IFIH1: variants seen among roughly 807,000 people sequenced by gnomAD.
IFIH1 encodes interferon induced with helicase C domain 1.
A neutral mutation model predicts 107.4 loss-of-function variants in IFIH1; 125 were observed. The observed-to-expected ratio is 1.16, with a 90% confidence interval of 1.01 to 1.35. The LOEUF is 1.35. Ranked by LOEUF, IFIH1 falls within the 40% of genes most tolerant of loss-of-function variation. IFIH1 has a pLI of 0.00. For missense variants in IFIH1, 1,333 were observed against 1,213.7 expected, an observed-to-expected ratio of 1.10 and a Z score of -1.46; for synonymous variants, 458 against 413.2, an observed-to-expected ratio of 1.11 and a Z score of -1.31.
chr2:162,293,133 C>A (rs1683026640), intron 4 of IFIH1, among the ~76,000 whole-genome samples: 1 of 151,876 alleles, frequency 6.6e-6, no homozygotes, highest in Non-Finnish European at 1.5e-5. Flanking sequence ...CTTTTACTTA[C>A]ATATGTAATT....
chr2:162,317,717 C>T, intron 1 of IFIH1, 138 bp downstream of exon 1: 1 of 683,638 alleles, frequency 1.5e-6, no homozygotes, highest in East Asian at 2.5e-5. Context: ...TCTTAAAGTG[C>T]CTAGATGTTG....
rs575678322 is a variant in IFIH1, at chr2:162,282,429, G to T, written c.1243C>A (p.Gln415Lys). 64 of 1,612,072 alleles carry T rather than the reference G, an allele frequency of 4.0e-5. No homozygotes were observed. Among genetic ancestry groups the T allele is most frequent in the Admixed American group, 3.2e-4 (19 of 59,844 alleles). The change falls in exon 6 of 16, where the codon CAA becomes AAA. Residue 415 changes from glutamine (Q) to lysine (K), a missense_variant. Gln to Lys is a moderately conservative substitution (Grantham distance 53). Coordinates refer to ENST00000649979, the MANE Select transcript of IFIH1 (RefSeq NM_022168.4). Reference sequence around the variant, plus strand: ...TTTAAGAGGGAGTTTTCAAGGATTTGAGCTGTACTGATAATAATATCACAG... The same window carrying T: ...TTTAAGAGGGAGTTTTCAAGGATTTTAGCTGTACTGATAATAATATCACAG... ...KSCDIIISTA[Q>K]ILENSLLNLE...
Position 162,318,045 on chromosome 2 carries a change from C to G in IFIH1, c.263G>C (p.Ser88Thr), listed in dbSNP as rs771991223. 6.2e-7 allele frequency: 1 copy of G among 1,614,062 alleles called. No individual in the cohort carries two copies. Among genetic ancestry groups the G allele is most frequent in the Non-Finnish European group, 8.5e-7 (1 of 1,180,048 alleles). Residue 88 changes from serine (S) to threonine (T), a missense_variant, in exon 1 of 16, where the codon AGC becomes ACC. Transcript: ENST00000649979. Reference sequence around the variant, plus strand: ...GTTCATGTAGCGGGCGGCCAGAGGGCTGCCGGTTCTCCGGAGGGCCTCCAC... The same window carrying G: ...GTTCATGTAGCGGGCGGCCAGAGGGGTGCCGGTTCTCCGGAGGGCCTCCAC... The part of the protein sequence containing the change: ...EFVEALRRTG[S>T]PLAARYMNPE...
Position 162,318,516 on chromosome 2 carries a change from G to C in IFIH1, c.-209C>G, listed in dbSNP as rs186956317. 3,518 of 343,038 alleles carry C rather than the reference G, an allele frequency of 0.01. 129 individuals carry two copies. The highest frequency in any genetic ancestry group is 0.071 in the African/African-American group (3,301 of 46,440). The allele number at this position is 343,038 out of a possible 1,614,324, so 21.2% of individuals were successfully genotyped here. On this transcript the variant is annotated 5_prime_UTR_variant, in exon 1 of 16. Transcript: ENST00000649979. Reference sequence around the variant, plus strand: ...CCTGGGCAGGTGGGCAGGCGGGCAGGTGGGCAGCGGGGCGGCGCGCGGGGC... The same window carrying C: ...CCTGGGCAGGTGGGCAGGCGGGCAGCTGGGCAGCGGGGCGGCGCGCGGGGC...
At chr2:162,316,026 A>G (rs979491906) in intron 1 of IFIH1, among the ~76,000 whole-genome samples, 1 of 152,198 alleles carries the variant, frequency 6.6e-6, no homozygotes, top group Non-Finnish European at 1.5e-5. Context: ...CCGTTACTCT[A>G]TATCTTCTTT....
In IFIH1 at chr2:162,310,920, T is replaced by G. The variant is rs144853750; in HGVS notation, c.467A>C (p.Glu156Ala). ...TACACCTGATTCATTTCCATTGTTT[T>G]CTGCAGCAGCAATCTGTTGTAAGAG... Reference protein sequence around the residue: ...IEDRNRIAAAENNGNESGVRE... With the variant: ...IEDRNRIAAAANNGNESGVRE... Residue 156 changes from glutamate to alanine, a missense_variant, in exon 2 of 16, where the codon GAA becomes GCA. Physicochemically the swap from Glu to Ala is moderately radical, Grantham distance 107 (BLOSUM62 -1). Transcript: ENST00000649979. 5 of 1,612,838 alleles carry G rather than the reference T, an allele frequency of 3.1e-6. No individual in the cohort carries two copies. The African/African-American group carries it at 6.7e-5, about 22-fold the overall frequency.
At chr2:162,267,965 G>T in intron 14 of IFIH1, 122 bp downstream of exon 14, 1 of 641,198 alleles carries the variant, frequency 1.6e-6, no homozygotes, top group Non-Finnish European at 2.6e-6. Context: ...TAATTGAGAG[G>T]CTAAAGGAGA....
intron 1 of IFIH1, among the ~76,000 whole-genome samples, chr2:162,311,188 T>A (rs909070104): frequency 1.1e-4 from 16 of 152,238 alleles, no homozygotes; most frequent in South Asian, 2.1e-4. Flanking sequence ...CCATTTTTTT[T>A]AAAAGCTATT....
intron 1 of IFIH1, among the ~76,000 whole-genome samples, chr2:162,313,818 T>C (rs529377375): frequency 6.6e-6 from 1 of 152,334 alleles, no homozygotes; most frequent in East Asian, 1.9e-4. Flanking sequence ...TTCTTATTCA[T>C]ACTTTTTTTT....
intron 5 of IFIH1, among the ~76,000 whole-genome samples, chr2:162,286,561 T>C (rs1475898856): frequency 2.0e-5 from 3 of 151,688 alleles, no homozygotes; most frequent in African/African-American, 7.3e-5. Context: ...CTCCTAGGTG[T>C]GGGGGCTGCA....
intron 4 of IFIH1, 108 bp from the exon 5 acceptor site, chr2:162,288,463 G>C: frequency 2.8e-6 from 2 of 719,396 alleles, no homozygotes; most frequent in Non-Finnish European, 2.3e-6. Context: ...CTTTTCACAT[G>C]TGGTCCAAAC....
At position 162,288,956 on chromosome 2, in the gene IFIH1, C is replaced by CAG. The variant is rs1553459852; in HGVS notation, c.875-603_875-602dup. The stretch of plus-strand genomic sequence containing the variant: ...ACACACACACACACACACACACACA[C>CAG]AGACACCCTATCTATCTCAAGTTCC... On this transcript the variant is annotated intron_variant, in intron 4 of 15. Transcript: ENST00000649979. Among the ~76,000 whole-genome samples the CAG allele has an allele frequency of 7.3e-4, 109 of 150,082 alleles. 7 individuals are homozygous for CAG. The highest frequency in any genetic ancestry group is 4.8e-3 in the Admixed American group (71 of 14,936).
At chr2:162,314,424 C>CTTTCTTTCT (rs1683444038) in intron 1 of IFIH1, among the ~76,000 whole-genome samples, 4 of 60,986 alleles carry the variant, frequency 6.6e-5, no homozygotes, top group African/African-American at 3.9e-4. Flanking sequence ...TCTTTTCTTT[C>CTTTCTTTCT]TTTCTTTCTT....
At position 162,277,438 on chromosome 2, in the gene IFIH1, CTA is replaced by C. The variant is rs2105197403; in HGVS notation, c.2019_2020del (p.Asp673GlufsTer9). The C allele has an allele frequency of 1.2e-6, 2 of 1,608,526 alleles. No individual in the cohort carries two copies. Among genetic ancestry groups the C allele is most frequent in the Non-Finnish European group, 1.7e-6 (2 of 1,176,574 alleles). On this transcript the variant is annotated frameshift_variant, in exon 10 of 16. Coordinates refer to ENST00000649979, the MANE Select transcript of IFIH1 (RefSeq NM_022168.4). LOFTEE classifies it high-confidence loss of function. The stretch of plus-strand genomic sequence containing the variant: ...ACCAAAAAATAAAGTCATGAGAAAT[CTA>C]TCTGTTTCATCCAGTTTCAAAGGTT...
chr2:162,269,115 T>C (rs971212256), intron 13 of IFIH1, among the ~76,000 whole-genome samples: 2 of 152,222 alleles, frequency 1.3e-5, no homozygotes, highest in Non-Finnish European at 2.9e-5. Flanking sequence ...TCATTCAGTG[T>C]CCATTTTTCC....
In IFIH1 at chr2:162,268,197, G is replaced by C. The variant is rs763492910; in HGVS notation, c.2697C>G (p.Asn899Lys). The stretch of plus-strand genomic sequence containing the variant: ...TGCAAAGGAAAGTTATTAGTGATGG[G>C]TTATTCTTGTAATGCTTGGCAATAT... ...KRNIAKHYKN[N>K]PSLITFLCKN... The change falls in exon 14 of 16, where the codon AAC becomes AAG. Residue 899 changes from asparagine (N) to lysine (K), a missense_variant. Asn to Lys is a moderately conservative substitution (Grantham distance 94). Coordinates refer to ENST00000649979, the MANE Select transcript of IFIH1 (RefSeq NM_022168.4). The C allele has an allele frequency of 1.3e-5, 21 of 1,612,190 alleles. No homozygotes were observed. The highest frequency in any genetic ancestry group is 1.6e-4 in the Middle Eastern group (1 of 6,082).
At chr2:162,282,141 G>A (rs1682820621) in intron 6 of IFIH1, among the ~76,000 whole-genome samples, 1 of 151,964 alleles carries the variant, frequency 6.6e-6, no homozygotes, top group South Asian at 2.1e-4. Flanking sequence ...TAAATGGAAA[G>A]TCCAGCGAGT....
chr2:162,314,409 T>TTC, intron 1 of IFIH1, among the ~76,000 whole-genome samples: 1 of 75,008 alleles, frequency 1.3e-5, no homozygotes, highest in Middle Eastern at 5.2e-3. Flanking sequence ...CTTTCTTTCT[T>TTC]TCTTTCTTTT....
In IFIH1 at chr2:162,277,583, G is replaced by A. The variant is rs1682720019; in HGVS notation, c.1876C>T (p.Leu626Phe). The change falls in exon 10 of 16, where the codon CTT (leucine) becomes TTT (phenylalanine). Residue 626 changes from leucine (L) to phenylalanine (F), a missense_variant. Transcript: ENST00000649979. The part of the protein sequence containing the change: ...TIRMIDAYTH[L>F]ETFYNEEKDK... ...TTCTCTTCATTATAGAAAGTTTCAA[G>A]ATGAGTATACGCATCTATCATTCGA... The A allele has an allele frequency of 6.2e-7, 1 of 1,612,066 alleles. No individual in the cohort carries two copies. The highest frequency in any genetic ancestry group is 1.3e-5 in the African/African-American group (1 of 74,870).
Sources: allele counts gnomAD v4.1 joint callset (sites outside exome capture counted in the v4.1 genomes callset), GRCh38; gene constraint gnomAD v4.1.1; transcripts MANE v1.5; gene names NCBI Gene and HGNC (gene_info 2026-07-23, HGNC 2026-07-21).